SLC4A8: variants seen among roughly 807,000 people sequenced by gnomAD.
SLC4A8 encodes the protein solute carrier family 4 member 8.
A neutral mutation model predicts 125.0 loss-of-function variants in SLC4A8; 40 were observed. That is an observed-to-expected ratio of 0.32 (90% CI 0.25 to 0.42). SLC4A8 has a LOEUF of 0.42. Among genes scored for constraint, SLC4A8 ranks in the 10% least tolerant of loss-of-function variants. The pLI is 1.00. For missense variants in SLC4A8, 863 were observed against 1,355.1 expected, an observed-to-expected ratio of 0.64 and a Z score of 5.70; for synonymous variants, 456 against 476.0, an observed-to-expected ratio of 0.96 and a Z score of 0.55.
intron 9 of SLC4A8, chr12:51,461,784 C>G (rs941011164): frequency 1.6e-5 from 3 of 187,702 alleles, no homozygotes; most frequent in African/African-American, 7.2e-5. Flanking sequence ...AGTGCATACT[C>G]TGGTAAGGAC....
intron 1 of SLC4A8, among the ~76,000 whole-genome samples, chr12:51,411,979 T>A (rs1355374282): frequency 6.6e-6 from 1 of 152,168 alleles, no homozygotes; most frequent in East Asian, 1.9e-4. Flanking sequence ...GGAGGATCGC[T>A]TAAGCCCAGG....
intron 8 of SLC4A8, among the ~76,000 whole-genome samples, chr12:51,460,712 A>C (rs750472459): frequency 6.6e-6 from 1 of 152,214 alleles, no homozygotes; most frequent in South Asian, 2.1e-4. Flanking sequence ...TCAAAAGGCT[A>C]TTCATGCGCT....
At chr12:51,411,610 T>A (rs1592146633) in intron 1 of SLC4A8, among the ~76,000 whole-genome samples, 1 of 152,158 alleles carries the variant, frequency 6.6e-6, no homozygotes, top group African/African-American at 2.4e-5. Flanking sequence ...AAGTCTTTTT[T>A]AAGTTATTTT....
At chr12:51,403,732 A>T (rs1948438578) in intron 1 of SLC4A8, among the ~76,000 whole-genome samples, 2 of 152,238 alleles carry the variant, frequency 1.3e-5, no homozygotes, top group Admixed American at 1.3e-4. Flanking sequence ...AACACCCGGC[A>T]ATAATTCTGT....
chr12:51,408,113 T>G (rs1192654067), intron 1 of SLC4A8, among the ~76,000 whole-genome samples: 1 of 152,220 alleles, frequency 6.6e-6, no homozygotes, highest in Non-Finnish European at 1.5e-5. Context: ...TCATCTTAAC[T>G]GATTACACCT....
At chr12:51,410,523 T>C (rs904496226) in intron 1 of SLC4A8, among the ~76,000 whole-genome samples, 3 of 152,020 alleles carry the variant, frequency 2.0e-5, no homozygotes, top group South Asian at 2.1e-4. Context: ...AGTGGCGCGA[T>C]CTTCGCTCAC....
Position 51,497,013 on chromosome 12 carries a change from A to G in SLC4A8, c.2970A>G (p.Lys990=). ...TTTTGGCCTTGGTCTTTGTCAGGAA[A>G]GTCATGGATCTCTGTTTCTCTAAGC... is the stretch of plus-strand genomic sequence containing the variant. The part of the protein sequence containing the change: ...MMVLALVFVR[K]VMDLCFSKRE... Residue 990 remains lysine (K), a synonymous_variant, in exon 22 of 25, where the codon AAA becomes AAG. Transcript: ENST00000453097. 1 of 1,614,064 alleles carries G rather than the reference A, an allele frequency of 6.2e-7. No individual in the cohort carries two copies. Among genetic ancestry groups the G allele is most frequent in the Non-Finnish European group, 8.5e-7 (1 of 1,180,006 alleles).
intron 6 of SLC4A8, among the ~76,000 whole-genome samples, chr12:51,458,226 G>A (rs772817637): frequency 1.3e-5 from 2 of 152,140 alleles, no homozygotes; most frequent in African/African-American, 2.4e-5. Context: ...ATGTGCAGGG[G>A]ATATGCCTGG....
chr12:51,492,086 G>GT (rs930616714), intron 19 of SLC4A8, among the ~76,000 whole-genome samples: 26 of 151,906 alleles, frequency 1.7e-4, no homozygotes, highest in East Asian at 5.8e-4. Context: ...TAAAAGAGAG[G>GT]TTTTTTTTGT....
intron 19 of SLC4A8, 83 bp downstream of exon 19, chr12:51,490,034 T>A: frequency 7.7e-7 from 1 of 1,303,676 alleles, no homozygotes; most frequent in South Asian, 1.3e-5. Flanking sequence ...AATACAGTGG[T>A]GCCAAATACT....
intron 1 of SLC4A8, among the ~76,000 whole-genome samples, chr12:51,410,882 T>G (rs1006658678): frequency 1.3e-5 from 2 of 149,032 alleles, no homozygotes; most frequent in African/African-American, 2.5e-5. Context: ...TTTTCTTTTT[T>G]TTTTTTTTTT....
chr12:51,491,737 G>GCACA (rs371323026), intron 19 of SLC4A8, among the ~76,000 whole-genome samples: 7,343 of 126,808 alleles, frequency 0.058, 193 homozygotes, highest in Admixed American at 0.065. Flanking sequence ...CTGGGGATGG[G>GCACA]CAGACACACA....
intron 1 of SLC4A8, chr12:51,407,952 AT>A: frequency 6.6e-6 from 1 of 152,476 alleles, no homozygotes; most frequent in Non-Finnish European, 1.5e-5. Flanking sequence ...CTGGCTGGCA[AT>A]TTTTTGTGTT....
intron 1 of SLC4A8, among the ~76,000 whole-genome samples, chr12:51,399,144 A>G (rs532167805): frequency 6.6e-6 from 1 of 152,228 alleles, no homozygotes; most frequent in Non-Finnish European, 1.5e-5. Flanking sequence ...TAAGTAAAGG[A>G]GAGGTGATAG....
intron 1 of SLC4A8, among the ~76,000 whole-genome samples, chr12:51,417,590 T>C (rs1000926951): frequency 9.2e-5 from 14 of 151,408 alleles, no homozygotes; most frequent in Non-Finnish European, 1.8e-4. Flanking sequence ...CGATCTTGGC[T>C]CGCTGCAGCC....
chr12:51,411,238 A>T (rs1407590679), intron 1 of SLC4A8, among the ~76,000 whole-genome samples: 3 of 151,662 alleles, frequency 2.0e-5, no homozygotes, highest in Non-Finnish European at 2.9e-5. Context: ...ATCTTTTCTG[A>T]TGCTCTATTG....
chr12:51,424,057 A>AAAC (rs1948872497), upstream of SLC4A8, among the ~76,000 whole-genome samples: 1 of 58,746 alleles, frequency 1.7e-5, no homozygotes, highest in Non-Finnish European at 3.7e-5. Flanking sequence ...AAAAAAACAA[A>AAAC]AAAAACAACA....
At chr12:51,433,629 T>C (rs1227897218) in intron 1 of SLC4A8, among the ~76,000 whole-genome samples, 1 of 152,124 alleles carries the variant, frequency 6.6e-6, no homozygotes, top group South Asian at 2.1e-4. Flanking sequence ...CATAAATAAA[T>C]GATACTATCA....
Position 51,437,845 on chromosome 12 carries a change from A to G in SLC4A8, c.49-2863A>G, listed in dbSNP as rs146986041. Among the ~76,000 whole-genome samples, 585 of 152,340 alleles carry G rather than the reference A, an allele frequency of 3.8e-3. 7 individuals are homozygous for G. Among genetic ancestry groups the G allele is most frequent in the South Asian group, 0.018 (85 of 4,822 alleles). ...GAATGTGCACAGTGCTCTCGGGATC[A>G]GTCAGCTTGGCTGGAGTTGCAGGTT... On this transcript the variant is annotated intron_variant, in intron 1 of 24. Coordinates refer to ENST00000453097, the MANE Select transcript of SLC4A8 (RefSeq NM_001039960.3).
Sources: gnomAD v4.1 joint callset for allele counts (sites outside exome capture counted in the v4.1 genomes callset) on GRCh38, gnomAD v4.1.1 for gene constraint, MANE v1.5 for transcripts, NCBI Gene and HGNC (gene_info 2026-07-23, HGNC 2026-07-21) for gene names.